Variants in DISC1 observed in about 807,000 individuals in gnomAD.
DISC1 encodes DISC1 scaffold protein, also known as disrupted in schizophrenia 1 protein.
In DISC1, 57 loss-of-function variants were observed where a neutral mutation model predicts 84.5. The ratio of observed to expected loss-of-function variants is 0.67; its 90% CI spans 0.55 to 0.84. The LOEUF (loss-of-function observed/expected upper bound fraction) is 0.84, where lower values mean the gene tolerates loss of function less well. Among genes scored for constraint, DISC1 ranks in the 40% least tolerant of loss-of-function variants. The pLI is 0.00. For missense variants in DISC1, 1,000 were observed against 1,057.8 expected (o/e 0.95, Z 0.76); for synonymous variants, 411 against 415.2 (o/e 0.99, Z 0.12).
In DISC1 at chr1:231,818,389, G is replaced by T. The variant is rs1448378062; in HGVS notation, c.1853G>T (p.Arg618Ile). The change falls in exon 9 of 13, where the codon AGA (arginine) becomes ATA (isoleucine). Residue 618 changes from arginine (R) to isoleucine (I), a missense_variant. Arg to Ile is a moderately conservative substitution (Grantham distance 97). Around this residue, in one of 3 missense-constraint regions of DISC1, gnomAD observed 397 missense variants for 377.5 expected, o/e 1.05. Transcript: ENST00000439617. Reference protein sequence around the residue: ...TEEIRSLTSEREGLEGLLSKL... With the variant: ...TEEIRSLTSEIEGLEGLLSKL... ...GAGATTAGATCATTAACATCAGAGA[G>T]AGAAGGGCTGGAGGGACTCCTCAGC... 1 of 1,614,138 alleles carries T rather than the reference G, an allele frequency of 6.2e-7. No homozygotes were observed. The highest frequency in any genetic ancestry group is 1.7e-5 in the Admixed American group (1 of 60,016).
At chr1:231,887,231 C>T (rs1188052283) in intron 9 of DISC1, among the ~76,000 whole-genome samples, 1 of 152,154 alleles carries the variant, frequency 6.6e-6, no homozygotes, top group Non-Finnish European at 1.5e-5. Context: ...CAATATCAGA[C>T]AGCTGGTTCC....
chr1:232,004,848 T>TCTCC (rs1173175933), intron 10 of DISC1, among the ~76,000 whole-genome samples: 1,062 of 105,464 alleles, frequency 0.01, 22 homozygotes, highest in Middle Eastern at 0.03. Flanking sequence ...TCGCTCCATC[T>TCTCC]CTCCCTCCCT....
intron 3 of DISC1, among the ~76,000 whole-genome samples, chr1:231,733,629 T>C (rs1313226882): frequency 7.7e-6 from 1 of 129,494 alleles, no homozygotes; most frequent in African/African-American, 3.0e-5. Context: ...TGGTGGTGGT[T>C]GTGGCAGTGC....
chr1:231,955,312 A>G (rs112907659), intron 9 of DISC1, among the ~76,000 whole-genome samples: 391 of 152,206 alleles, frequency 2.6e-3, no homozygotes, highest in Non-Finnish European at 4.5e-3. Context: ...CAGATATCCA[A>G]CCTCACACTT....
At chr1:231,853,460 T>G (rs2084042462) in intron 9 of DISC1, among the ~76,000 whole-genome samples, 1 of 152,220 alleles carries the variant, frequency 6.6e-6, no homozygotes, top group South Asian at 2.1e-4. Context: ...ATTGTCACAC[T>G]GTAAGTATTT....
intron 11 of DISC1, among the ~76,000 whole-genome samples, chr1:232,022,920 A>G (rs1669102028): frequency 6.6e-6 from 1 of 152,166 alleles, no homozygotes; most frequent in African/African-American, 2.4e-5. Context: ...GTGCCTTGGA[A>G]AAACAGCCCC....
In DISC1 at chr1:231,917,438, T is replaced by C. The variant is rs553244280; in HGVS notation, c.1982-41390T>C. On this transcript the variant is annotated intron_variant, in intron 9 of 12. Transcript: ENST00000439617. ...AGCGATCACTCTTATATTTGGGGAG[T>C]GTTTTAGAGTCTTCAGATGCTTTAT... is the stretch of plus-strand genomic sequence containing the variant. 2.0e-5 allele frequency among the ~76,000 whole-genome samples: 3 copies of C among 152,164 alleles called. No individual in the cohort carries two copies. The South Asian group carries it at 6.2e-4, about 32-fold the overall frequency.
rs544427426 is a variant in DISC1 at position 231,794,649 on chromosome 1, A to G, written c.1635-593A>G. ...AACAGACAGTCGCTGCCTTCATGGAACTTAAGTTCCAGTGGGAGAGAGAGA... is the reference window on the plus strand; with the variant it reads ...AACAGACAGTCGCTGCCTTCATGGAGCTTAAGTTCCAGTGGGAGAGAGAGA... On this transcript the variant is annotated intron_variant, in intron 6 of 12. Transcript: ENST00000439617. Among the ~76,000 whole-genome samples the G allele has an allele frequency of 2.0e-5, 3 of 152,256 alleles. No individual in the cohort carries two copies. In the South Asian group the frequency reaches 6.2e-4, roughly 32 times the overall value.
chr1:231,641,872 G>A (rs1444938754), intron 1 of DISC1, among the ~76,000 whole-genome samples: 1 of 152,226 alleles, frequency 6.6e-6, no homozygotes, highest in African/African-American at 2.4e-5. Context: ...AGACTCAGGA[G>A]CCCAGCTGGC....
intron 4 of DISC1, among the ~76,000 whole-genome samples, chr1:231,756,128 C>T (rs559628877): frequency 3.0e-4 from 46 of 152,256 alleles, no homozygotes; most frequent in Non-Finnish European, 4.9e-4. Flanking sequence ...TATATGTTAC[C>T]CCCATGTTCT....
chr1:231,846,894 C>A (rs1010392210), intron 9 of DISC1, among the ~76,000 whole-genome samples: 5 of 152,180 alleles, frequency 3.3e-5, no homozygotes, highest in African/African-American at 1.2e-4. Flanking sequence ...GCTTGAAGGA[C>A]TTTTAAGTCC....
chr1:231,945,916 A>G (rs987237329), intron 9 of DISC1, among the ~76,000 whole-genome samples: 3 of 152,228 alleles, frequency 2.0e-5, no homozygotes, highest in Non-Finnish European at 4.4e-5. Flanking sequence ...ACCAGGAAGG[A>G]GTGGAATCCC....
At chr1:231,730,873 C>T (rs2071424469) in intron 3 of DISC1, among the ~76,000 whole-genome samples, 1 of 151,994 alleles carries the variant, frequency 6.6e-6, no homozygotes, top group Non-Finnish European at 1.5e-5. Context: ...GAATATATGT[C>T]TAAATTCAAT....
chr1:232,001,270 G>A (rs1220594972), intron 10 of DISC1, among the ~76,000 whole-genome samples: 4 of 151,878 alleles, frequency 2.6e-5, no homozygotes, highest in Non-Finnish European at 5.9e-5. Flanking sequence ...GTAGAGATGG[G>A]GTTTCACCAT....
intron 9 of DISC1, among the ~76,000 whole-genome samples, chr1:231,941,579 T>C (rs1036083286): frequency 2.0e-4 from 30 of 151,898 alleles, no homozygotes; most frequent in African/African-American, 6.3e-4. Context: ...TTCAAGCGAT[T>C]CTCCTGCCTC....
chr1:232,014,768 A>C (rs917483748), intron 11 of DISC1, among the ~76,000 whole-genome samples: 2 of 152,168 alleles, frequency 1.3e-5, no homozygotes, highest in African/African-American at 4.8e-5. Context: ...GTGTCTTTAA[A>C]GTGGGCTGGA....
rs554849100 is a variant in DISC1, at chr1:231,907,192, G to A, written c.1982-51636G>A. On this transcript the variant is annotated intron_variant, in intron 9 of 12. Coordinates refer to ENST00000439617, the MANE Select transcript of DISC1 (RefSeq NM_018662.3). ...TTCTCTTTCTTTTATTATACTTTAA[G>A]TTCTAGGGTACATGTGCACAACGTG... Among the ~76,000 whole-genome samples the A allele has an allele frequency of 7.5e-3, 816 of 109,068 alleles. 10 individuals carry two copies. The highest frequency in any genetic ancestry group is 0.028 in the African/African-American group (768 of 27,004). 71.6% of individuals were successfully genotyped at this position (109,068 alleles called of 152,430 possible).
At chr1:231,938,351 T>C (rs1452114851) in intron 9 of DISC1, among the ~76,000 whole-genome samples, 1 of 151,662 alleles carries the variant, frequency 6.6e-6, no homozygotes, top group Non-Finnish European at 1.5e-5. Flanking sequence ...GACAGTGAGG[T>C]TTGAAGTGTG....
chr1:231,905,068 G>T (rs2088526191), intron 9 of DISC1, among the ~76,000 whole-genome samples: 1 of 152,096 alleles, frequency 6.6e-6, no homozygotes. Context: ...AAGATGAAAA[G>T]AATAACTTTA....
Sources: gnomAD v4.1 joint callset for allele counts (sites outside exome capture counted in the v4.1 genomes callset) on GRCh38, gnomAD v4.1.1 for gene constraint, gnomAD v4.1.1 regional missense constraint, MANE v1.5 for transcripts, NCBI Gene and HGNC (gene_info 2026-07-23, HGNC 2026-07-21) for gene names.